Variants in LPCAT1 observed in about 807,000 individuals in gnomAD.
The protein encoded by LPCAT1 is 1-acylglycerol-3-phosphate O-acyltransferase.
In LPCAT1, 23 loss-of-function variants were observed where a neutral mutation model predicts 60.9. That is an observed-to-expected ratio of 0.38 (90% CI 0.27 to 0.53). LPCAT1 has a LOEUF of 0.53. Ranked by LOEUF, LPCAT1 falls within the 20% of genes least tolerant of loss-of-function variation. The probability of loss-of-function intolerance (pLI) is 0.82; values close to 1 mark genes in which losing one functional copy is unlikely to be tolerated. For missense variants in LPCAT1, 622 were observed against 723.6 expected, an observed-to-expected ratio of 0.86 and a Z score of 1.61; for synonymous variants, 340 against 301.1, an observed-to-expected ratio of 1.13 and a Z score of -1.34.
At chr5:1,519,250 G>A (rs557302777) in intron 1 of LPCAT1, among the ~76,000 whole-genome samples, 1 of 152,290 alleles carries the variant, frequency 6.6e-6, no homozygotes, top group South Asian at 2.1e-4. Context: ...TGTGTATGTG[G>A]GTATGCTTAT....
intron 12 of LPCAT1, among the ~76,000 whole-genome samples, chr5:1,469,108 G>A (rs947428292): frequency 7.9e-5 from 12 of 152,220 alleles, no homozygotes; most frequent in South Asian, 2.1e-4. Flanking sequence ...GAGGTGAGGC[G>A]GGACCCTGGT....
rs1413164085 is a variant in LPCAT1 at position 1,477,898 on chromosome 5, C to T, written c.817-412G>A. Among the ~76,000 whole-genome samples the T allele has an allele frequency of 7.8e-6, 1 of 128,700 alleles. No homozygotes were observed. Among genetic ancestry groups the T allele is most frequent in the African/African-American group, 3.0e-5 (1 of 33,274 alleles). 84.4% of individuals were successfully genotyped at this position (128,700 alleles called of 152,430 possible). The stretch of plus-strand genomic sequence containing the variant: ...CATCTGGCTCTCTGATCTACACTCA[C>T]CCCCGTCAGTGCTCCTGGGAGCGCC... On this transcript the variant is annotated intron_variant, in intron 8 of 13. Transcript: ENST00000283415. This position sits in a 1 kb window ranked among gnomAD's most constrained non-coding sequence, Gnocchi z 6.0.
chr5:1,511,089 G>A (rs1029803701), intron 1 of LPCAT1, among the ~76,000 whole-genome samples: 2 of 152,200 alleles, frequency 1.3e-5, no homozygotes, highest in African/African-American at 2.4e-5. Context: ...CCCCTAAGAC[G>A]GCACTGAAGC....
intron 1 of LPCAT1, among the ~76,000 whole-genome samples, chr5:1,515,459 G>A (rs1467863477): frequency 1.3e-4 from 3 of 23,996 alleles, no homozygotes; most frequent in Admixed American, 3.9e-4. Context: ...CACCTCCCCC[G>A]CCAGCCCAGA....
At chr5:1,499,315 T>C (rs542741843) in intron 2 of LPCAT1, among the ~76,000 whole-genome samples, 19 of 152,216 alleles carry the variant, frequency 1.2e-4, no homozygotes, top group African/African-American at 3.9e-4. Flanking sequence ...AACAAGGACA[T>C]GGGGAGTAAA....
Position 1,463,659 on chromosome 5 carries a change from G to T in LPCAT1, c.1597C>A (p.Leu533Met), listed in dbSNP as rs566361131. Residue 533 changes from leucine to methionine, a missense_variant, in exon 14 of 14, where the codon CTG becomes ATG. Leu to Met is a conservative substitution (Grantham distance 15). Coordinates refer to ENST00000283415, the MANE Select transcript of LPCAT1 (RefSeq NM_024830.5). ...CTCCGCAACCCTGGGTCCTAATCCA[G>T]CTTCTTGCGAACAGGCTTCCGCCCA... ...DAGRKPVRKK[L>M]D The T allele has an allele frequency of 1.2e-6, 2 of 1,614,038 alleles. No homozygotes were observed. The highest frequency in any genetic ancestry group is 2.7e-5 in the African/African-American group (2 of 74,954).
rs1183491369 is a variant in LPCAT1, at chr5:1,463,465, C to T, written c.*186G>A. On this transcript the variant is annotated 3_prime_UTR_variant, in exon 14 of 14. Coordinates refer to ENST00000283415, the MANE Select transcript of LPCAT1 (RefSeq NM_024830.5). ...CGCCCTCCGATTCTCGCACAGTAAG[C>T]GTCGGTTCTGCAACACACTTCACAA... 4.6e-6 allele frequency: 3 copies of T among 655,448 alleles called. No homozygotes were observed. Among genetic ancestry groups the T allele is most frequent in the South Asian group, 2.1e-5 (1 of 48,080 alleles). 40.6% of individuals were successfully genotyped at this position (655,448 alleles called of 1,614,324 possible). A position where few individuals can be genotyped will look rare whatever the true frequency, so the allele number is the denominator to read the frequency against.
intron 1 of LPCAT1, among the ~76,000 whole-genome samples, chr5:1,517,483 C>T (rs1034104119): frequency 5.3e-5 from 8 of 152,166 alleles, no homozygotes; most frequent in African/African-American, 1.7e-4. Context: ...CCACGTTCTC[C>T]GCTGCCTGGG....
At chr5:1,466,116 G>A (rs1428617040) in intron 13 of LPCAT1, among the ~76,000 whole-genome samples, 1 of 152,280 alleles carries the variant, frequency 6.6e-6, no homozygotes, top group African/African-American at 2.4e-5. Flanking sequence ...GGGAGCCTCG[G>A]GTGGATGCAG....
intron 12 of LPCAT1, 49 bp from the exon 13 acceptor site, chr5:1,466,939 A>G (rs1310473654): frequency 4.1e-6 from 6 of 1,472,370 alleles, no homozygotes. Flanking sequence ...CCTGCCCACC[A>G]GGCCCCGCTG....
At chr5:1,516,623 C>A (rs2126622338) in intron 1 of LPCAT1, among the ~76,000 whole-genome samples, 1 of 148,494 alleles carries the variant, frequency 6.7e-6, no homozygotes, top group Admixed American at 6.6e-5. Context: ...AAACTGTTTT[C>A]TTTCTTTCCT....
At chr5:1,510,226 C>T (rs113281463) in intron 1 of LPCAT1, among the ~76,000 whole-genome samples, 10 of 152,202 alleles carry the variant, frequency 6.6e-5, no homozygotes, top group African/African-American at 2.2e-4. Context: ...CCCTCTCCCC[C>T]ACAGCCCGTG....
At chr5:1,510,474 G>A (rs1446266705) in intron 1 of LPCAT1, among the ~76,000 whole-genome samples, 1 of 152,160 alleles carries the variant, frequency 6.6e-6, no homozygotes, top group East Asian at 1.9e-4. Flanking sequence ...TTGCAAATCG[G>A]CCCCGCAGTC....
At chr5:1,467,965 G>C (rs867812318) in intron 12 of LPCAT1, among the ~76,000 whole-genome samples, 3 of 152,238 alleles carry the variant, frequency 2.0e-5, no homozygotes, top group African/African-American at 7.2e-5. Flanking sequence ...AGCGCGCTGT[G>C]ATCTTGTGAG....
Position 1,494,693 on chromosome 5 carries a change from C to T in LPCAT1, c.493+7G>A, listed in dbSNP as rs377264336. On this transcript the variant is annotated splice_region_variant and intron_variant, in intron 3 of 13. Coordinates refer to ENST00000283415, the MANE Select transcript of LPCAT1 (RefSeq NM_024830.5). ...TCCCTCACTCCCAGCAGGGGTGTCT[C>T]ACTCACTTCCCCAGATCGGGATGTC... The T allele has an allele frequency of 6.8e-6, 11 of 1,613,448 alleles. No homozygotes were observed. The East Asian group carries it at 1.6e-4, about 23-fold the overall frequency.
chr5:1,490,729 C>A (rs1735545889), intron 3 of LPCAT1, among the ~76,000 whole-genome samples: 1 of 152,240 alleles, frequency 6.6e-6, no homozygotes, highest in Non-Finnish European at 1.5e-5. Flanking sequence ...TCAGCCAAGG[C>A]AACGTGGCCA....
chr5:1,502,204 G>A lies in LPCAT1; in HGVS notation c.136-601C>T, dbSNP rs1037201620. Among the ~76,000 whole-genome samples the A allele has an allele frequency of 2.6e-5, 4 of 152,088 alleles. No individual in the cohort carries two copies. The highest frequency in any genetic ancestry group is 7.2e-5 in the African/African-American group (3 of 41,396). On this transcript the variant is annotated intron_variant, in intron 1 of 13. Coordinates refer to ENST00000283415, the MANE Select transcript of LPCAT1 (RefSeq NM_024830.5). The surrounding 1 kb of genome is among the most constrained non-coding windows in gnomAD (Gnocchi z 5.5). ...CTGCAAATTCAAGGGCCACTCTGAC[G>A]CACAGCACACAACCCCAGGCAGCTC...
At chr5:1,520,002 G>C (rs1736622699) in intron 1 of LPCAT1, among the ~76,000 whole-genome samples, 2 of 152,350 alleles carry the variant, frequency 1.3e-5, no homozygotes, top group Non-Finnish European at 2.9e-5. Flanking sequence ...CAATGGGGCT[G>C]AGCGAAGAGC....
chr5:1,465,483 CAA>C (rs1211600178), intron 13 of LPCAT1, among the ~76,000 whole-genome samples: 2 of 145,484 alleles, frequency 1.4e-5, no homozygotes, highest in Non-Finnish European at 3.0e-5. Flanking sequence ...ACACACAAAA[CAA>C]GCGCATGCGC....
Sources: gnomAD v4.1 joint callset for allele counts (sites outside exome capture counted in the v4.1 genomes callset) on GRCh38, gnomAD v4.1.1 for gene constraint, Gnocchi (gnomAD v3.1) non-coding constraint, MANE v1.5 for transcripts, NCBI Gene and HGNC (gene_info 2026-07-23, HGNC 2026-07-21) for gene names.